ATP10B: variants seen among roughly 807,000 people sequenced by gnomAD.
ATP10B encodes ATPase phospholipid transporting 10B (putative).
ATP10B carries 122 observed loss-of-function variants against 141.2 expected under a neutral mutation model. The ratio of observed to expected loss-of-function variants is 0.86; its 90% CI spans 0.75 to 1.00. The LOEUF is 1.00. Among genes scored for constraint, ATP10B ranks in the 50% least tolerant of loss-of-function variants. The probability of loss-of-function intolerance (pLI) is 0.00; values close to 1 mark genes in which losing one functional copy is unlikely to be tolerated. For missense variants in ATP10B, 1,876 were observed against 1,825.3 expected, an observed-to-expected ratio of 1.03 and a Z score of -0.51; for synonymous variants, 685 against 692.0, an observed-to-expected ratio of 0.99 and a Z score of 0.16.
chr5:160,876,811 T>C, the ATP10B span, among the ~76,000 whole-genome samples: 10 of 150,346 alleles, frequency 6.7e-5, no homozygotes, highest in South Asian at 1.9e-3. Context: ...CCTGGACACA[T>C]ACACTCTCCC....
chr5:160,862,982 T>C, the ATP10B span, among the ~76,000 whole-genome samples: 1 of 152,012 alleles, frequency 6.6e-6, no homozygotes, highest in Non-Finnish European at 1.5e-5. Flanking sequence ...TAGTGCTTTC[T>C]GTTCAAGAAG....
intron 6 of ATP10B, chr5:160,684,886 C>T (rs745636842): frequency 3.8e-5 from 27 of 703,124 alleles, no homozygotes; most frequent in Middle Eastern, 2.3e-4. Context: ...CGATTTGTAC[C>T]TCCGGAGGTC....
intron 7 of ATP10B, among the ~76,000 whole-genome samples, chr5:160,653,621 ATTATATATACATATATACATATATAT>A: frequency 1.1e-4 from 1 of 8,984 alleles, no homozygotes; most frequent in Non-Finnish European, 3.1e-4. Context: ...ATACATATAT[ATTATATATACATATATACATATATAT>A]TATATATACA....
chr5:160,709,760 C>A (rs1393777486), intron 3 of ATP10B, among the ~76,000 whole-genome samples: 1 of 65,156 alleles, frequency 1.5e-5, no homozygotes, highest in East Asian at 5.1e-4. Flanking sequence ...CCCTCCCCCC[C>A]TCCCCCGACC....
chr5:160,855,276 G>A (rs547356864), upstream of ATP10B, among the ~76,000 whole-genome samples: 3 of 152,000 alleles, frequency 2.0e-5, no homozygotes, highest in South Asian at 2.1e-4. Flanking sequence ...TAGTTTCTCC[G>A]CATCCTCACC....
intron 1 of ATP10B, among the ~76,000 whole-genome samples, chr5:160,823,988 G>A (rs907139559): frequency 6.6e-6 from 1 of 152,022 alleles, no homozygotes; most frequent in African/African-American, 2.4e-5. Context: ...GAATAAATCA[G>A]TCATATTTCC....
At chr5:160,630,272 G>A (rs1002581264) in intron 13 of ATP10B, among the ~76,000 whole-genome samples, 7 of 152,208 alleles carry the variant, frequency 4.6e-5, no homozygotes, top group Non-Finnish European at 1.0e-4. Flanking sequence ...AGGGCAGGAT[G>A]ATGACATCTA....
chr5:160,640,338 C>T (rs1561683015), intron 10 of ATP10B, 123 bp downstream of exon 10: 2 of 1,043,286 alleles, frequency 1.9e-6, no homozygotes, highest in East Asian at 5.0e-5. Flanking sequence ...CATTGGCATC[C>T]CGTTAAAGTG....
rs776242576 is a variant in ATP10B, at chr5:160,649,248, C to A, written c.684G>T (p.Gln228His). The A allele has an allele frequency of 8.7e-6, 14 of 1,613,282 alleles. No homozygotes were observed. In the East Asian group the frequency reaches 2.9e-4, roughly 33 times the overall value. ...VVKGFSQQEV[Q>H]FEPELFHNTI... ...TATTGTGGAAAAGCTCTGGTTCGAACTGTACCTCCTGTGAGAGAGAGGACT... is the reference window on the plus strand; with the variant it reads ...TATTGTGGAAAAGCTCTGGTTCGAAATGTACCTCCTGTGAGAGAGAGGACT... The change falls in exon 8 of 26, where the codon CAG becomes CAT. Residue 228 changes from glutamine to histidine, a missense_variant. Coordinates refer to ENST00000327245, the MANE Select transcript of ATP10B (RefSeq NM_025153.3).
At chr5:160,926,032 G>A in the ATP10B span, among the ~76,000 whole-genome samples, 1 of 152,232 alleles carries the variant, frequency 6.6e-6, no homozygotes, top group Non-Finnish European at 1.5e-5. Context: ...ATGAGAGCAC[G>A]TGCTCTGAAT....
At chr5:160,612,373 G>A (rs181774545) in intron 18 of ATP10B, 3 of 165,340 alleles carry the variant, frequency 1.8e-5, no homozygotes, top group Non-Finnish European at 3.9e-5. Context: ...TCTAGACTTA[G>A]TTCTACCTAT....
chr5:160,743,854 G>T (rs896803850), intron 2 of ATP10B, among the ~76,000 whole-genome samples: 1 of 152,048 alleles, frequency 6.6e-6, no homozygotes, highest in South Asian at 2.1e-4. Context: ...TTTGATTGTC[G>T]AAAGTAGGGG....
intron 1 of ATP10B, among the ~76,000 whole-genome samples, chr5:160,821,050 A>T (rs115669733): frequency 0.042 from 6,431 of 152,178 alleles, 218 homozygotes; most frequent in Non-Finnish European, 0.066. Context: ...GCGCATCCAA[A>T]TTGGAAAGGA....
chr5:160,823,037 A>ATAT, intron 1 of ATP10B, among the ~76,000 whole-genome samples: 1 of 97,838 alleles, frequency 1.0e-5, no homozygotes, highest in Admixed American at 1.1e-4. Flanking sequence ...TATATATATA[A>ATAT]AATAAAGAGT....
the ATP10B span, among the ~76,000 whole-genome samples, chr5:160,918,967 T>C: frequency 6.6e-6 from 1 of 151,392 alleles, no homozygotes; most frequent in South Asian, 2.1e-4. Flanking sequence ...GGCTCACGCC[T>C]GTAATCCCAG....
chr5:160,776,726 A>G, intron 2 of ATP10B, among the ~76,000 whole-genome samples: 1 of 152,212 alleles, frequency 6.6e-6, no homozygotes, highest in East Asian at 1.9e-4. Context: ...CACTTGGCCC[A>G]AGGGAAAGGT....
intron 7 of ATP10B, 74 bp downstream of exon 7, chr5:160,670,389 G>C: frequency 6.7e-7 from 1 of 1,488,224 alleles, no homozygotes; most frequent in East Asian, 2.3e-5. Flanking sequence ...AGTAGGTTTA[G>C]TTCAATTTTC....
rs1771097676 is a variant in ATP10B at position 160,785,739 on chromosome 5, T to C, written c.-511A>G. ...AATAATAGGAAAAACTACTTACTCT[T>C]CACACTGTTGCTTTCATTGAAACAA... On this transcript the variant is annotated 5_prime_UTR_variant, in exon 2 of 26. An upstream open reading frame in the 5' UTR loses its in-frame stop. Coordinates refer to ENST00000327245, the MANE Select transcript of ATP10B (RefSeq NM_025153.3). 2 of 1,239,190 alleles carry C rather than the reference T, an allele frequency of 1.6e-6. No individual in the cohort carries two copies. Among genetic ancestry groups the C allele is most frequent in the Non-Finnish European group, 2.1e-6 (2 of 956,398 alleles). 76.8% of individuals were successfully genotyped at this position (1,239,190 alleles called of 1,614,324 possible). A position where few individuals can be genotyped will look rare whatever the true frequency, so the allele number is the denominator to read the frequency against.
At chr5:160,891,597 T>C in the ATP10B span, among the ~76,000 whole-genome samples, 8 of 152,158 alleles carry the variant, frequency 5.3e-5, no homozygotes, top group Admixed American at 2.0e-4. Flanking sequence ...GCCACCACGC[T>C]AGAGTAATTT....
Sources: gnomAD v4.1 joint callset for allele counts (sites outside exome capture counted in the v4.1 genomes callset) on GRCh38, gnomAD v4.1.1 for gene constraint, MANE v1.5 for transcripts, NCBI Gene and HGNC (gene_info 2026-07-23, HGNC 2026-07-21) for gene names.